Variants in DBX2 observed in about 807,000 individuals in gnomAD.
DBX2 encodes developing brain homeobox 2.
DBX2 carries 16 observed loss-of-function variants against 17.7 expected under a neutral mutation model. The ratio of observed to expected loss-of-function variants is 0.90; its 90% CI spans 0.61 to 1.37. DBX2 has a LOEUF of 1.37. Ranked by LOEUF, DBX2 falls within the 40% of genes most tolerant of loss-of-function variation. The pLI is 0.00. For missense variants in DBX2, 538 were observed against 433.8 expected, an observed-to-expected ratio of 1.24 and a Z score of -2.13; for synonymous variants, 255 against 183.8, an observed-to-expected ratio of 1.39 and a Z score of -3.13.
chr12:45,048,926 A>T (rs1565588049), intron 1 of DBX2, among the ~76,000 whole-genome samples: 1 of 152,212 alleles, frequency 6.6e-6, no homozygotes. Context: ...AATGTTTGCA[A>T]TTGGACACTT....
chr12:45,030,342 G>A (rs1277149296), intron 2 of DBX2, among the ~76,000 whole-genome samples: 6 of 152,194 alleles, frequency 3.9e-5, no homozygotes, highest in Non-Finnish European at 8.8e-5. Flanking sequence ...CAATTCAAAA[G>A]CATCTGATAC....
At chr12:45,021,398 T>G (rs1057287968) in intron 3 of DBX2, among the ~76,000 whole-genome samples, 2 of 152,176 alleles carry the variant, frequency 1.3e-5, no homozygotes, top group Admixed American at 1.3e-4. Flanking sequence ...CCCCATAATT[T>G]TTATATATGG....
At chr12:45,027,316 G>A (rs940979845) in intron 2 of DBX2, among the ~76,000 whole-genome samples, 3 of 152,262 alleles carry the variant, frequency 2.0e-5, no homozygotes, top group South Asian at 2.1e-4. Context: ...AGATGAAGAC[G>A]TGTTCAGAGC....
At chr12:45,025,563 A>T (rs1946376935) in intron 2 of DBX2, among the ~76,000 whole-genome samples, 1 of 151,710 alleles carries the variant, frequency 6.6e-6, no homozygotes, top group Non-Finnish European at 1.5e-5. Flanking sequence ...AAGAAACCAG[A>T]CAAAGAGCAC....
In DBX2 at chr12:45,016,403, T is replaced by C. The variant is rs776875672; in HGVS notation, c.903A>G (p.Arg301=). 1 of 1,614,028 alleles carries C rather than the reference T, an allele frequency of 6.2e-7. No individual in the cohort carries two copies. The highest frequency in any genetic ancestry group is 1.1e-5 in the South Asian group (1 of 91,082). ...GTGCCCCTGAACTCTCCTGGATTAG[T>C]CTTTCTGAAGGTTCTGGAGAATTCT... The part of the protein sequence containing the change: ...WRENSPEPSE[R]LIQESSGAPP... Residue 301 remains arginine (R), a synonymous_variant, in exon 4 of 4, where the codon AGA becomes AGG. Transcript: ENST00000332700.
chr12:45,019,509 T>C (rs534269293), intron 3 of DBX2, among the ~76,000 whole-genome samples: 5 of 152,250 alleles, frequency 3.3e-5, no homozygotes, highest in Non-Finnish European at 5.9e-5. Flanking sequence ...GAAATTTTCA[T>C]ATGTCAGTAT....
chr12:45,021,442 G>GGACC (rs1946351168), intron 3 of DBX2, among the ~76,000 whole-genome samples: 1 of 152,090 alleles, frequency 6.6e-6, no homozygotes, highest in African/African-American at 2.4e-5. Flanking sequence ...TCTCTTTTGG[G>GGACC]GACCACAATA....
intron 1 of DBX2, among the ~76,000 whole-genome samples, chr12:45,041,413 T>C (rs1301201379): frequency 6.6e-6 from 1 of 152,100 alleles, no homozygotes; most frequent in African/African-American, 2.4e-5. Context: ...GCAGCAAACA[T>C]CTATCTTGAA....
intron 1 of DBX2, 24 bp downstream of exon 1, chr12:45,050,501 G>A (rs1056675167): frequency 3.9e-6 from 6 of 1,544,612 alleles, no homozygotes; most frequent in East Asian, 2.5e-5. Context: ...GCGCGGCTGG[G>A]GAGGGAGGGG....
intron 1 of DBX2, among the ~76,000 whole-genome samples, chr12:45,048,681 A>G (rs530331632): frequency 1.3e-5 from 2 of 152,224 alleles, no homozygotes; most frequent in Non-Finnish European, 2.9e-5. Flanking sequence ...GGTCAAATTA[A>G]TGAGATTTTA....
At chr12:45,033,058 C>T (rs1194477496) in intron 2 of DBX2, among the ~76,000 whole-genome samples, 1 of 152,170 alleles carries the variant, frequency 6.6e-6, no homozygotes, top group Non-Finnish European at 1.5e-5. Context: ...AAGCGTTGTG[C>T]TTAAATAGCC....
chr12:45,033,614 T>C (rs911034017), intron 2 of DBX2, among the ~76,000 whole-genome samples: 6 of 152,186 alleles, frequency 3.9e-5, no homozygotes, highest in Admixed American at 2.6e-4. Flanking sequence ...TTGCTGTTAA[T>C]ACAAATGAAC....
chr12:45,031,225 T>TGTGTGTGTGAGAGAGA lies in DBX2; in HGVS notation c.499+4793_499+4794insTCTCTCTCACACACAC, dbSNP rs1377897653. Reference sequence around the variant, plus strand: ...GTGTGTGTGTGTGTGTGTGTGTGTGTGAGAGAGAGAGAGAGAGAGAGAGAG... The same window carrying TGTGTGTGTGAGAGAGA: ...GTGTGTGTGTGTGTGTGTGTGTGTGTGTGTGTGTGAGAGAGAGAGAGAGAGAGAGAGAGAGAGAGAG... On this transcript the variant is annotated intron_variant, in intron 2 of 3. Transcript: ENST00000332700. 2.0e-3 allele frequency among the ~76,000 whole-genome samples: 168 copies of TGTGTGTGTGAGAGAGA among 85,638 alleles called. 1 individual carries two copies. Among genetic ancestry groups the TGTGTGTGTGAGAGAGA allele is most frequent in the East Asian group, 0.013 (32 of 2,530 alleles). The allele number at this position is 85,638 out of a possible 152,430, so 56.2% of individuals were successfully genotyped here.
chr12:45,024,095 G>T (rs895587458), intron 2 of DBX2, among the ~76,000 whole-genome samples: 1 of 152,124 alleles, frequency 6.6e-6, no homozygotes, highest in African/African-American at 2.4e-5. Flanking sequence ...TGCTGAGGGA[G>T]GGACCTCGTG....
chr12:45,049,372 G>C (rs1037850480), intron 1 of DBX2, among the ~76,000 whole-genome samples: 4 of 152,106 alleles, frequency 2.6e-5, no homozygotes, highest in African/African-American at 9.7e-5. Context: ...TGCCTTAACT[G>C]TTTGTTCCTC....
chr12:45,018,350 C>A (rs1946334066), intron 3 of DBX2, among the ~76,000 whole-genome samples: 1 of 152,050 alleles, frequency 6.6e-6, no homozygotes, highest in African/African-American at 2.4e-5. Flanking sequence ...AGAAAAAATA[C>A]ATAAAAGGAG....
rs562309871 is a variant in DBX2 at position 45,050,899 on chromosome 12, G to C, written c.29C>G (p.Ala10Gly). The change falls in exon 1 of 4, where the codon GCC becomes GGC. Residue 10 changes from alanine to glycine, a missense_variant. Transcript: ENST00000332700. ...AGCCACAACGTCCCAGTACGCACCGGCGTGGGCTGCGACCGCGCTGGGGAG... is the reference window on the plus strand; with the variant it reads ...AGCCACAACGTCCCAGTACGCACCGCCGTGGGCTGCGACCGCGCTGGGGAG... The part of the protein sequence containing the change: MLPSAVAAH[A>G]GAYWDVVASS... The C allele has an allele frequency of 8.6e-6, 13 of 1,513,288 alleles. No homozygotes were observed. In the African/African-American group the frequency reaches 1.1e-4, roughly 13 times the overall value. 93.7% of individuals were successfully genotyped at this position (1,513,288 alleles called of 1,614,324 possible). A position where few individuals can be genotyped will look rare whatever the true frequency, so the allele number is the denominator to read the frequency against.
In DBX2 at chr12:45,036,007, A is replaced by G; in HGVS notation, c.499+12T>C. 1 of 1,610,466 alleles carries G rather than the reference A, an allele frequency of 6.2e-7. No homozygotes were observed. On this transcript the variant is annotated intron_variant, in intron 2 of 3. Transcript: ENST00000332700. ...ATAACTGAGGCATTGCTGATGAAGGATAAAAACTTACTTGGAAAAGCAGTG... is the reference window on the plus strand; with the variant it reads ...ATAACTGAGGCATTGCTGATGAAGGGTAAAAACTTACTTGGAAAAGCAGTG...
rs149527014 is a variant in DBX2 at position 45,036,051 on chromosome 12, C to G, written c.467G>C (p.Cys156Ser). The change falls in exon 2 of 4, where the codon TGT becomes TCT. Residue 156 changes from cysteine to serine, a missense_variant. By Grantham distance (112) the Cys-to-Ser change is moderately radical (BLOSUM62 -1). Coordinates refer to ENST00000332700, the MANE Select transcript of DBX2 (RefSeq NM_001004329.3). ...PFYSACCGGS[C>S]RRPASSTAFP... is the part of the protein sequence containing the mutation. ...AGCAGTGGAGGATGCAGGGCGCCGA[C>G]AGGACCCACCGCAGCACGCCGAGTA... is the stretch of plus-strand genomic sequence containing the variant. The G allele has an allele frequency of 2.5e-6, 4 of 1,613,600 alleles. No homozygotes were observed. The highest frequency in any genetic ancestry group is 3.4e-6 in the Non-Finnish European group (4 of 1,179,900).
Sources: gnomAD v4.1 joint callset for allele counts (sites outside exome capture counted in the v4.1 genomes callset) on GRCh38, gnomAD v4.1.1 for gene constraint, MANE v1.5 for transcripts, NCBI Gene and HGNC (gene_info 2026-07-23, HGNC 2026-07-21) for gene names.